The following RANBP17 variants were observed in gnomAD, a reference collection of about 807,000 sequenced individuals.
RANBP17 encodes the protein RAN binding protein 17.
A neutral mutation model predicts 141.2 loss-of-function variants in RANBP17; 158 were observed. The ratio of observed to expected loss-of-function variants is 1.12; its 90% confidence interval spans 0.98 to 1.28. The LOEUF is 1.28. Ranked by LOEUF, RANBP17 falls within the 50% of genes most tolerant of loss-of-function variation. The probability of loss-of-function intolerance (pLI) is 0.00; values close to 1 mark genes in which losing one functional copy is unlikely to be tolerated. For missense variants in RANBP17, 1,438 were observed against 1,290.7 expected (o/e 1.11, Z -1.75); for synonymous variants, 430 against 450.0 (o/e 0.96, Z 0.56).
chr5:171,165,807 G>A (rs1759654656), intron 14 of RANBP17, among the ~76,000 whole-genome samples: 9 of 152,132 alleles, frequency 5.9e-5, no homozygotes, highest in Admixed American at 5.9e-4. Context: ...AGGCTGGCAA[G>A]GTTTCAAATT....
chr5:171,051,027 C>T lies in RANBP17; in HGVS notation c.1710+82650C>T, dbSNP rs1782919354. On this transcript the variant is annotated intron_variant, in intron 14 of 27. Coordinates refer to ENST00000523189, the MANE Select transcript of RANBP17 (RefSeq NM_022897.5). ...CTACTTATATCTGACTGGGTGGTTT[C>T]TGATAAAAATTCCATGTTCATTTGG... is the stretch of plus-strand genomic sequence containing the variant. 3.9e-5 allele frequency among the ~76,000 whole-genome samples: 6 copies of T among 152,144 alleles called. No homozygotes were observed. In the South Asian group the frequency reaches 1.2e-3, roughly 32 times the overall value.
intron 14 of RANBP17, among the ~76,000 whole-genome samples, chr5:171,143,885 G>T (rs557156469): frequency 4.6e-5 from 7 of 152,288 alleles, no homozygotes; most frequent in African/African-American, 1.4e-4. Flanking sequence ...GGGAACAGTA[G>T]ACAGAAAGCC....
At chr5:171,088,037 T>C (rs1436982652) in intron 14 of RANBP17, among the ~76,000 whole-genome samples, 1 of 151,754 alleles carries the variant, frequency 6.6e-6, no homozygotes, top group Admixed American at 6.6e-5. Context: ...TGCTCGTTAG[T>C]TGATGCAGTT....
chr5:170,892,265 A>G (rs1253733991), intron 3 of RANBP17, 122 bp from the exon 4 acceptor site: 4 of 804,544 alleles, frequency 5.0e-6, no homozygotes, highest in East Asian at 5.1e-5. Flanking sequence ...CCCTGCATGC[A>G]TTAGGTATTT....
intron 14 of RANBP17, among the ~76,000 whole-genome samples, chr5:171,120,972 G>A (rs1438312112): frequency 6.6e-6 from 1 of 152,222 alleles, no homozygotes; most frequent in Non-Finnish European, 1.5e-5. Flanking sequence ...GGATGCAGCA[G>A]TGAATTCTGT....
At chr5:171,139,214 G>A (rs1441031884) in intron 14 of RANBP17, among the ~76,000 whole-genome samples, 2 of 152,080 alleles carry the variant, frequency 1.3e-5, no homozygotes, top group African/African-American at 4.8e-5. Context: ...CCCGCTTTTC[G>A]GGTAGCATTC....
At chr5:171,243,803 G>C (rs898422559) in intron 24 of RANBP17, among the ~76,000 whole-genome samples, 4 of 152,138 alleles carry the variant, frequency 2.6e-5, no homozygotes, top group African/African-American at 9.7e-5. Flanking sequence ...GGCTGGGCGC[G>C]GTGGCTCAGC....
chr5:171,147,063 A>G (rs1758068777), intron 14 of RANBP17, among the ~76,000 whole-genome samples: 2 of 152,144 alleles, frequency 1.3e-5, no homozygotes, highest in Non-Finnish European at 2.9e-5. Flanking sequence ...ATTTGATGAT[A>G]TTTAAAGATA....
At chr5:171,204,845 C>G (rs2127960272) in intron 19 of RANBP17, among the ~76,000 whole-genome samples, 1 of 152,286 alleles carries the variant, frequency 6.6e-6, no homozygotes. Flanking sequence ...GGCACAGTGC[C>G]TCTGTGAGAA....
intron 12 of RANBP17, among the ~76,000 whole-genome samples, chr5:170,951,115 A>C (rs80124900): frequency 4.6e-5 from 7 of 152,040 alleles, no homozygotes; most frequent in African/African-American, 1.7e-4. Context: ...TTGGCTAATG[A>C]GTACAAACAT....
In RANBP17 at chr5:171,092,292, C is replaced by G. The variant is rs1184949743; in HGVS notation, c.1711-77838C>G. Among the ~76,000 whole-genome samples, 2 of 152,142 alleles carry G rather than the reference C, an allele frequency of 1.3e-5. 1 individual carries two copies. Among genetic ancestry groups the G allele is most frequent in the South Asian group, 4.1e-4 (2 of 4,826 alleles). On this transcript the variant is annotated intron_variant, in intron 14 of 27. Transcript: ENST00000523189. ...ACCCCTAATAATATATTGAATGATA[C>G]TTCAAGTTATGTTACAGATCTAAGA...
chr5:171,021,200 A>C (rs143520389), intron 14 of RANBP17, among the ~76,000 whole-genome samples: 3,979 of 152,268 alleles, frequency 0.026, 155 homozygotes, highest in African/African-American at 0.09. Flanking sequence ...GGCTGCCCTT[A>C]ACATTTTTTT....
At chr5:171,244,414 G>C (rs1406964885) in intron 24 of RANBP17, among the ~76,000 whole-genome samples, 1 of 151,952 alleles carries the variant, frequency 6.6e-6, no homozygotes, top group Non-Finnish European at 1.5e-5. Context: ...TTTCATTTTA[G>C]ACATTATATT....
chr5:171,261,316 C>T (rs1407263098), intron 24 of RANBP17, among the ~76,000 whole-genome samples: 1 of 152,154 alleles, frequency 6.6e-6, no homozygotes, highest in Non-Finnish European at 1.5e-5. Flanking sequence ...AGTCAAGCAT[C>T]TAGGAAATAA....
intron 1 of RANBP17, among the ~76,000 whole-genome samples, chr5:170,864,089 A>G (rs1322303472): frequency 2.0e-5 from 3 of 152,206 alleles, no homozygotes; most frequent in East Asian, 1.9e-4. Flanking sequence ...CCCTGCCACT[A>G]ACTTAAAAAG....
chr5:171,035,737 G>GTT (rs781327156), intron 14 of RANBP17, among the ~76,000 whole-genome samples: 55 of 95,430 alleles, frequency 5.8e-4, no homozygotes, highest in African/African-American at 1.2e-3. Flanking sequence ...TTCTTTTTTT[G>GTT]TTTTTTTTTT....
rs542975892 is a variant in RANBP17, at chr5:171,108,091, T to A, written c.1711-62039T>A. ...AAGAAGGCTTATTGGTGATAGATAT[T>A]ATAATTTACTCATCTGCCTGTTGTG... is the stretch of plus-strand genomic sequence containing the variant. On this transcript the variant is annotated intron_variant, in intron 14 of 27. Transcript: ENST00000523189. Among the ~76,000 whole-genome samples, 67 of 152,348 alleles carry A rather than the reference T, an allele frequency of 4.4e-4. 2 individuals are homozygous for A. The South Asian group carries it at 0.013, about 31-fold the overall frequency.
At chr5:171,041,322 A>G (rs1221557058) in intron 14 of RANBP17, among the ~76,000 whole-genome samples, 3 of 152,032 alleles carry the variant, frequency 2.0e-5, no homozygotes, top group Admixed American at 6.6e-5. Flanking sequence ...ATTGTTTTTG[A>G]TCATCTCAGG....
At chr5:171,256,093 C>T (rs1765873427) in intron 24 of RANBP17, among the ~76,000 whole-genome samples, 1 of 152,140 alleles carries the variant, frequency 6.6e-6, no homozygotes, top group South Asian at 2.1e-4. Context: ...AGAAAGACCA[C>T]ATTTTCATAA....
Sources: gnomAD v4.1 joint callset for allele counts (sites outside exome capture counted in the v4.1 genomes callset) on GRCh38, gnomAD v4.1.1 for gene constraint, MANE v1.5 for transcripts, NCBI Gene and HGNC (gene_info 2026-07-23, HGNC 2026-07-21) for gene names.